Variants in OR4N5 observed in about 807,000 individuals in gnomAD.
OR4N5 encodes olfactory receptor family 4 subfamily N member 5, also known as olfactory receptor 4N5.
For synonymous variants in OR4N5, 155 were observed against 140.6 expected, an observed-to-expected ratio of 1.10 and a Z score of -0.72; for missense variants, 428 against 370.0, an observed-to-expected ratio of 1.16 and a Z score of -1.29.
Position 20,140,194 on chromosome 14 carries a change from A to G in OR4N5, c.-380-649A>G, listed in dbSNP as rs139691803. ...GGCATTGAATATATTTAAGGAGAAT[A>G]TGTGTAAAGAACAAGGTGAAACTTA... On this transcript the variant is annotated intron_variant, in intron 1 of 2. Coordinates refer to ENST00000641086, the MANE Select transcript of OR4N5 (RefSeq NM_001004724.2). Among the ~76,000 whole-genome samples the G allele has an allele frequency of 3.9e-3, 595 of 152,312 alleles. 7 individuals carry two copies. Among genetic ancestry groups the G allele is most frequent in the African/African-American group, 0.014 (564 of 41,586 alleles).
At chr14:20,139,696 C>T (rs992083558) in intron 1 of OR4N5, among the ~76,000 whole-genome samples, 34 of 152,236 alleles carry the variant, frequency 2.2e-4, no homozygotes, top group African/African-American at 7.5e-4. Flanking sequence ...ATTTGATCAT[C>T]ATATTCCCTC....
At chr14:20,139,942 C>T (rs1020851166) in intron 1 of OR4N5, among the ~76,000 whole-genome samples, 5 of 151,912 alleles carry the variant, frequency 3.3e-5, no homozygotes, top group Non-Finnish European at 4.4e-5. Flanking sequence ...TAAAAACAGA[C>T]AAAACATGTG....
chr14:20,144,409 T>G lies in OR4N5; in HGVS notation c.674T>G (p.Ile225Arg). The stretch of plus-strand genomic sequence containing the variant: ...TCCTATGCAGTCATCCTCTGTCGTA[T>G]AAGGGAGCACTCCTCTGAAGGAAAG... ...LASYAVILCRIREHSSEGKSK... is the reference protein window; with the variant it reads ...LASYAVILCRRREHSSEGKSK... Residue 225 changes from isoleucine to arginine, a missense_variant, in exon 3 of 3, where the codon ATA becomes AGA. Ile to Arg is a moderately conservative substitution (Grantham distance 97, BLOSUM62 -3). Transcript: ENST00000641086. 6.2e-7 allele frequency: 1 copy of G among 1,614,044 alleles called. No homozygotes were observed. The highest frequency in any genetic ancestry group is 8.5e-7 in the Non-Finnish European group (1 of 1,179,954).
In OR4N5 at chr14:20,144,305, C is replaced by G; in HGVS notation, c.570C>G (p.Thr190=). The change falls in exon 3 of 3, where the codon ACC becomes ACG. Residue 190 remains threonine, a synonymous_variant. Coordinates refer to ENST00000641086, the MANE Select transcript of OR4N5 (RefSeq NM_001004724.2). ...DVPQVIKLAC[T]NTFVVELLMV... is the part of the protein sequence containing the mutation. Reference sequence around the variant, plus strand: ...CACAGGTCATCAAGCTGGCCTGCACCAATACCTTTGTGGTGGAGCTTCTGA... The same window carrying G: ...CACAGGTCATCAAGCTGGCCTGCACGAATACCTTTGTGGTGGAGCTTCTGA... The G allele has an allele frequency of 8.7e-6, 14 of 1,614,020 alleles. No homozygotes were observed. Among genetic ancestry groups the G allele is most frequent in the Non-Finnish European group, 1.2e-5 (14 of 1,179,990 alleles).
Position 20,143,935 on chromosome 14 carries a change from C to T in OR4N5, c.200C>T (p.Ala67Val), listed in dbSNP as rs777284295. Reference sequence around the variant, plus strand: ...CTCTATTTCTTTCTGGGCAACTTGGCCTTACTGGATGCATCCTACTCCTTC... The same window carrying T: ...CTCTATTTCTTTCTGGGCAACTTGGTCTTACTGGATGCATCCTACTCCTTC... ...APLYFFLGNL[A>V]LLDASYSFIV... The change falls in exon 3 of 3, where the codon GCC (alanine) becomes GTC (valine). Residue 67 changes from alanine (A) to valine (V), a missense_variant. Transcript: ENST00000641086. The T allele has an allele frequency of 6.2e-7, 1 of 1,613,986 alleles. No homozygotes were observed.
chr14:20,139,794 G>A (rs935652360), intron 1 of OR4N5, among the ~76,000 whole-genome samples: 2 of 152,016 alleles, frequency 1.3e-5, no homozygotes, highest in Admixed American at 6.6e-5. Context: ...CTTGCCTAAG[G>A]TCATTAATTG....
rs1264762066 is a variant in OR4N5 at position 20,141,092 on chromosome 14, TA to T, written c.-127del. The T allele has an allele frequency of 6.6e-6, 1 of 152,066 alleles. No homozygotes were observed. The highest frequency in any genetic ancestry group is 6.6e-5 in the Admixed American group (1 of 15,254). The allele number at this position is 152,066 out of a possible 1,614,324, so 9.4% of individuals were successfully genotyped here. On this transcript the variant is annotated 5_prime_UTR_variant, in exon 2 of 3. Transcript: ENST00000641086. Reference sequence around the variant, plus strand: ...GAAAATAGACGGAAATAGTAGAAAATAAAAGCAAAGGAAGAGTGAGAGAGGC... The same window carrying T: ...GAAAATAGACGGAAATAGTAGAAAATAAAGCAAAGGAAGAGTGAGAGAGGC...
rs143798540 is a variant in OR4N5, at chr14:20,143,908, C to G, written c.173C>G (p.Pro58Arg). Residue 58 changes from proline (P) to arginine (R), a missense_variant, in exon 3 of 3, where the codon CCC (proline) becomes CGC (arginine). Pro to Arg is a moderately radical substitution (Grantham distance 103, BLOSUM62 -2). Coordinates refer to ENST00000641086, the MANE Select transcript of OR4N5 (RefSeq NM_001004724.2). ...AAGTCAGACCCTGGGCTCACAGCCCCCCTCTATTTCTTTCTGGGCAACTTG... is the reference window on the plus strand; with the variant it reads ...AAGTCAGACCCTGGGCTCACAGCCCGCCTCTATTTCTTTCTGGGCAACTTG... ...TIKSDPGLTAPLYFFLGNLAL... is the reference protein window; with the variant it reads ...TIKSDPGLTARLYFFLGNLAL... The G allele has an allele frequency of 1.6e-4, 258 of 1,614,050 alleles. No individual in the cohort carries two copies. The African/African-American group carries it at 3.0e-3, about 19-fold the overall frequency.
At chr14:20,140,024 G>A (rs550410115) in intron 1 of OR4N5, among the ~76,000 whole-genome samples, 1 of 152,278 alleles carries the variant, frequency 6.6e-6, no homozygotes, top group Non-Finnish European at 1.5e-5. Context: ...CAGGAAGTAA[G>A]GCTTAGCACT....
At position 20,145,250 on chromosome 14, in the gene OR4N5, A is replaced by T. The variant is rs1329494480; in HGVS notation, c.*588A>T. ...AGTCAAAGAATTTGGTAGGGGCAAAATTATGTAGAGCATTTTAGTCAATAA... is the reference window on the plus strand; with the variant it reads ...AGTCAAAGAATTTGGTAGGGGCAAATTTATGTAGAGCATTTTAGTCAATAA... On this transcript the variant is annotated 3_prime_UTR_variant, in exon 3 of 3. Transcript: ENST00000641086. The T allele has an allele frequency of 6.6e-6, 1 of 152,264 alleles. No homozygotes were observed. The highest frequency in any genetic ancestry group is 1.5e-5 in the Non-Finnish European group (1 of 68,086). The allele number at this position is 152,264 out of a possible 1,614,324, so 9.4% of individuals were successfully genotyped here. A position where few individuals can be genotyped will look rare whatever the true frequency, so the allele number is the denominator to read the frequency against.
intron 2 of OR4N5, among the ~76,000 whole-genome samples, chr14:20,142,764 T>G (rs1044059969): frequency 1.3e-5 from 2 of 152,184 alleles, no homozygotes; most frequent in Non-Finnish European, 2.9e-5. Flanking sequence ...AAAAGAAAAC[T>G]CATTGCAAGT....
rs370879644 is a variant in OR4N5 at position 20,144,398 on chromosome 14, C to T, written c.663C>T (p.Ile221=). Residue 221 remains isoleucine, a synonymous_variant, in exon 3 of 3, where the codon ATC becomes ATT. Coordinates refer to ENST00000641086, the MANE Select transcript of OR4N5 (RefSeq NM_001004724.2). ...GCCTTCTGGCCTCCTATGCAGTCAT[C>T]CTCTGTCGTATAAGGGAGCACTCCT... ...FLGLLASYAV[I]LCRIREHSSE... 5.6e-6 allele frequency: 9 copies of T among 1,613,916 alleles called. No individual in the cohort carries two copies. The African/African-American group carries it at 1.1e-4, about 19-fold the overall frequency.
At chr14:20,140,542 GAAAACA>G (rs1343074585) in intron 1 of OR4N5, among the ~76,000 whole-genome samples, 1 of 152,186 alleles carries the variant, frequency 6.6e-6, no homozygotes, top group Non-Finnish European at 1.5e-5. Context: ...GAGCTGGTCT[GAAAACA>G]GTCTGGAATT....
chr14:20,139,613 T>A lies in OR4N5; in HGVS notation c.-381+723T>A, dbSNP rs116451316. 3.1e-3 allele frequency among the ~76,000 whole-genome samples: 467 copies of A among 152,290 alleles called. 4 individuals are homozygous for A. Among genetic ancestry groups the A allele is most frequent in the African/African-American group, 0.011 (445 of 41,570 alleles). Reference sequence around the variant, plus strand: ...ATCTATTGACATGGTATCCATTTTTTGCTAGAACGTATTTATCACTGAATG... The same window carrying A: ...ATCTATTGACATGGTATCCATTTTTAGCTAGAACGTATTTATCACTGAATG... On this transcript the variant is annotated intron_variant, in intron 1 of 2. Transcript: ENST00000641086.
rs779876623 is a variant in OR4N5, at chr14:20,144,080, C to T, written c.345C>T (p.Leu115=). 12 of 1,614,076 alleles carry T rather than the reference C, an allele frequency of 7.4e-6. No homozygotes were observed. In the Admixed American group the frequency reaches 8.3e-5, roughly 11 times the overall value. ...TTGGAGCGGGAGAGATGTTCCTCCT[C>T]GTTGTGATGGCCTTTGACCGCTACA... ...HFLGAGEMFL[L]VVMAFDRYIA... is the part of the protein sequence containing the mutation. The change falls in exon 3 of 3, where the codon CTC becomes CTT. Residue 115 remains leucine (L), a synonymous_variant. Coordinates refer to ENST00000641086, the MANE Select transcript of OR4N5 (RefSeq NM_001004724.2).
At chr14:20,142,385 T>C (rs1199264658) in intron 2 of OR4N5, among the ~76,000 whole-genome samples, 1 of 152,146 alleles carries the variant, frequency 6.6e-6, no homozygotes, top group Non-Finnish European at 1.5e-5. Context: ...CTCCTCGGTC[T>C]CCCAAAGTGC....
At chr14:20,139,936 A>T (rs1878583707) in intron 1 of OR4N5, among the ~76,000 whole-genome samples, 1 of 152,140 alleles carries the variant, frequency 6.6e-6, no homozygotes, top group South Asian at 2.1e-4. Flanking sequence ...ATGAGTTAAA[A>T]ACAGACAAAA....
At chr14:20,142,833 G>A (rs1351186714) in intron 2 of OR4N5, among the ~76,000 whole-genome samples, 1 of 152,106 alleles carries the variant, frequency 6.6e-6, no homozygotes, top group Non-Finnish European at 1.5e-5. Context: ...CAGATTATAT[G>A]TTCTGTATGG....
At position 20,138,854 on chromosome 14, in the gene OR4N5, G is replaced by T. The variant is rs1878561438; in HGVS notation, c.-417G>T. On this transcript the variant is annotated 5_prime_UTR_variant, in exon 1 of 3. Coordinates refer to ENST00000641086, the MANE Select transcript of OR4N5 (RefSeq NM_001004724.2). ...CCCTTTTATCAGACAGAAAAGAATA[G>T]CCACTTGTTTGAGAGTAGCATTTGG... 6.6e-6 allele frequency: 1 copy of T among 151,722 alleles called. No homozygotes were observed. The highest frequency in any genetic ancestry group is 2.1e-4 in the South Asian group (1 of 4,812). The allele number at this position is 151,722 out of a possible 1,614,324, so 9.4% of individuals were successfully genotyped here.
Sources: allele counts gnomAD v4.1 joint callset (sites outside exome capture counted in the v4.1 genomes callset), GRCh38; gene constraint gnomAD v4.1.1; transcripts MANE v1.5; gene names NCBI Gene and HGNC (gene_info 2026-07-23, HGNC 2026-07-21).